Variants in XPR1 observed in about 807,000 individuals in gnomAD.
The protein encoded by XPR1 is solute carrier family 53 member 1.
A neutral mutation model predicts 87.5 loss-of-function variants in XPR1; 28 were observed. The observed-to-expected ratio is 0.32, with a 90% CI of 0.24 to 0.44. The LOEUF is 0.44. XPR1 is among the 20% of genes least tolerant of loss of function. The pLI is 1.00. For missense variants in XPR1, 559 were observed against 862.3 expected (o/e 0.65, Z 4.41); for synonymous variants, 300 against 306.1 (o/e 0.98, Z 0.21).
intron 7 of XPR1, among the ~76,000 whole-genome samples, chr1:180,813,416 G>A (rs1346799907): frequency 6.6e-6 from 1 of 151,990 alleles, no homozygotes; most frequent in East Asian, 1.9e-4. Context: ...TGTCCCTTTA[G>A]CCTACGTTAG....
Position 180,806,173 on chromosome 1 carries a change from A to G in XPR1, c.559A>G (p.Thr187Ala). 6.2e-7 allele frequency: 1 copy of G among 1,613,494 alleles called. No homozygotes were observed. The highest frequency in any genetic ancestry group is 8.5e-7 in the Non-Finnish European group (1 of 1,179,552). Reference sequence around the variant, plus strand: ...TCACGTAGAGGTGGCCCCATTTTATACATGCAAGAAAATCAACCAGCTTAT... The same window carrying G: ...TCACGTAGAGGTGGCCCCATTTTATGCATGCAAGAAAATCAACCAGCTTAT... ...VAHVEVAPFYTCKKINQLISE... is the reference protein window; with the variant it reads ...VAHVEVAPFYACKKINQLISE... Residue 187 changes from threonine to alanine, a missense_variant, in exon 5 of 15, where the codon ACA becomes GCA. Physicochemically the swap from Thr to Ala is moderately conservative, Grantham distance 58. Transcript: ENST00000367590.
At chr1:180,682,715 C>T (rs1656619434) in intron 2 of XPR1, among the ~76,000 whole-genome samples, 1 of 151,960 alleles carries the variant, frequency 6.6e-6, no homozygotes, top group South Asian at 2.1e-4. Flanking sequence ...CCTCCCCTCC[C>T]CTCCTTCCTC....
At chr1:180,808,475 CGT>C (rs1352206253) in intron 6 of XPR1, among the ~76,000 whole-genome samples, 1 of 151,960 alleles carries the variant, frequency 6.6e-6, no homozygotes, top group Non-Finnish European at 1.5e-5. Flanking sequence ...AATTAAAAAA[CGT>C]ATGCTCTTCA....
At chr1:180,745,167 T>G (rs1288821874) in intron 2 of XPR1, among the ~76,000 whole-genome samples, 1 of 152,214 alleles carries the variant, frequency 6.6e-6, no homozygotes, top group Non-Finnish European at 1.5e-5. Context: ...TCAGATCCGA[T>G]TATGCAAGCT....
At chr1:180,805,070 T>C (rs1374137075) in intron 4 of XPR1, among the ~76,000 whole-genome samples, 1 of 152,182 alleles carries the variant, frequency 6.6e-6, no homozygotes, top group African/African-American at 2.4e-5. Context: ...TCTTCTATTC[T>C]TTGGGGGTCA....
chr1:180,725,955 A>T (rs1045963687), intron 2 of XPR1, among the ~76,000 whole-genome samples: 2 of 152,246 alleles, frequency 1.3e-5, no homozygotes, highest in African/African-American at 4.8e-5. Flanking sequence ...GAGATAATGT[A>T]TGTTAAATGT....
chr1:180,637,050 C>CAAAAAA (rs34479247), intron 1 of XPR1, among the ~76,000 whole-genome samples: 16 of 81,562 alleles, frequency 2.0e-4, no homozygotes, highest in African/African-American at 6.5e-4. Context: ...GACTTCATCT[C>CAAAAAA]AAAAAAAAAA....
intron 2 of XPR1, among the ~76,000 whole-genome samples, chr1:180,785,640 G>A (rs988406571): frequency 2.0e-5 from 3 of 151,886 alleles, no homozygotes; most frequent in Admixed American, 1.3e-4. Context: ...CTATGTGAAC[G>A]TTAATATATA....
chr1:180,806,691 T>A (rs1004743915), intron 6 of XPR1, 134 bp downstream of exon 6: 2 of 633,310 alleles, frequency 3.2e-6, no homozygotes, highest in African/African-American at 3.6e-5. Context: ...TATTTTAGTT[T>A]TTTAAACATT....
At chr1:180,801,036 A>C (rs560552234) in intron 3 of XPR1, among the ~76,000 whole-genome samples, 12 of 152,332 alleles carry the variant, frequency 7.9e-5, no homozygotes, top group African/African-American at 2.9e-4. Context: ...ACCATGATCA[A>C]TTAACCACAG....
Position 180,803,528 on chromosome 1 carries a change from C to T in XPR1, c.364C>T (p.Arg122Cys), listed in dbSNP as rs2102118314. 6.2e-7 allele frequency: 1 copy of T among 1,613,808 alleles called. No homozygotes were observed. Among genetic ancestry groups the T allele is most frequent in the Non-Finnish European group, 8.5e-7 (1 of 1,179,982 alleles). ...KPVFHLSHEE[R>C]VQHRNIKDLK... The stretch of plus-strand genomic sequence containing the variant: ...AGTCTTCCACTTGTCCCATGAGGAA[C>T]GTGTCCAACATAGAAATATTAAAGA... The change falls in exon 4 of 15, where the codon CGT (arginine) becomes TGT (cysteine). Residue 122 changes from arginine (R) to cysteine (C), a missense_variant. Arg to Cys is a radical substitution (Grantham distance 180). Around this residue, in one of 7 missense-constraint regions of XPR1, gnomAD observed 159 missense variants for 263.3 expected, o/e 0.60. Coordinates refer to ENST00000367590, the MANE Select transcript of XPR1 (RefSeq NM_004736.4).
At chr1:180,711,730 CA>C (rs1185236580) in intron 2 of XPR1, among the ~76,000 whole-genome samples, 6 of 152,274 alleles carry the variant, frequency 3.9e-5, no homozygotes, top group African/African-American at 1.4e-4. Flanking sequence ...TCCAATTTAT[CA>C]GTTCTTTTGT....
intron 2 of XPR1, among the ~76,000 whole-genome samples, chr1:180,769,344 G>C (rs1648408989): frequency 6.6e-6 from 1 of 150,436 alleles, no homozygotes; most frequent in South Asian, 2.1e-4. Flanking sequence ...CAAATAGTAG[G>C]TCTTATTCAT....
At chr1:180,633,425 T>C (rs1178126868) in intron 1 of XPR1, among the ~76,000 whole-genome samples, 1 of 152,208 alleles carries the variant, frequency 6.6e-6, no homozygotes, top group African/African-American at 2.4e-5. Flanking sequence ...TTAAACTATT[T>C]TAGTTCTCCA....
At chr1:180,837,269 T>A (rs1259553609) in intron 11 of XPR1, among the ~76,000 whole-genome samples, 1 of 152,208 alleles carries the variant, frequency 6.6e-6, no homozygotes, top group Non-Finnish European at 1.5e-5. Context: ...GCCACTCCTT[T>A]TGAATTTTTA....
chr1:180,825,054 T>G, intron 8 of XPR1, 111 bp downstream of exon 8: 1 of 1,489,352 alleles, frequency 6.7e-7, no homozygotes, highest in Non-Finnish European at 9.0e-7. Flanking sequence ...ATTATTAGCT[T>G]AATAACTAAT....
chr1:180,658,412 C>A (rs1266489191), intron 1 of XPR1, among the ~76,000 whole-genome samples: 1 of 152,182 alleles, frequency 6.6e-6, no homozygotes, highest in Non-Finnish European at 1.5e-5. Context: ...CAGTATAATA[C>A]TAGCTGTAAG....
chr1:180,778,694 C>G (rs1363353227), intron 2 of XPR1, among the ~76,000 whole-genome samples: 2 of 152,102 alleles, frequency 1.3e-5, no homozygotes, highest in East Asian at 1.9e-4. Flanking sequence ...GACAACCCAC[C>G]TAAGAGTGAG....
At chr1:180,704,557 T>G (rs1657486082) in intron 2 of XPR1, among the ~76,000 whole-genome samples, 1 of 151,420 alleles carries the variant, frequency 6.6e-6, no homozygotes, top group African/African-American at 2.4e-5. Flanking sequence ...TGAAACATTT[T>G]AAGTGTCTTA....
Sources: allele counts gnomAD v4.1 joint callset (sites outside exome capture counted in the v4.1 genomes callset), GRCh38; gene constraint gnomAD v4.1.1; regional missense constraint gnomAD v4.1.1; transcripts MANE v1.5; gene names NCBI Gene and HGNC (gene_info 2026-07-23, HGNC 2026-07-21).